FAT3: variants seen among roughly 807,000 people sequenced by gnomAD.
The protein encoded by FAT3 is FAT atypical cadherin 3.
FAT3 carries 95 observed loss-of-function variants against 310.2 expected under a neutral mutation model. The observed-to-expected ratio is 0.31, with a 90% CI of 0.26 to 0.36. FAT3 has a LOEUF of 0.36. Among genes scored for constraint, FAT3 ranks in the 10% least tolerant of loss-of-function variants. The pLI, the probability that FAT3 is intolerant of heterozygous loss-of-function variation, is 1.00. For synonymous variants in FAT3, 2,314 were observed against 2,192.9 expected, an observed-to-expected ratio of 1.06 and a Z score of -1.54; for missense variants, 5,408 against 5,715.6, an observed-to-expected ratio of 0.95 and a Z score of 1.74.
chr11:92,384,406 C>T (rs747908045), intron 2 of FAT3, among the ~76,000 whole-genome samples: 2 of 152,228 alleles, frequency 1.3e-5, no homozygotes, highest in South Asian at 4.1e-4. Flanking sequence ...TATTTCTCAT[C>T]GAGTTTCTTT....
intron 2 of FAT3, among the ~76,000 whole-genome samples, chr11:92,411,126 A>T (rs1442388766): frequency 9.3e-6 from 1 of 107,858 alleles, no homozygotes; most frequent in Non-Finnish European, 1.9e-5. Context: ...ATATATTTAT[A>T]TATTATATAT....
At chr11:92,435,204 A>G (rs1309782999) in intron 2 of FAT3, among the ~76,000 whole-genome samples, 2 of 152,168 alleles carry the variant, frequency 1.3e-5, no homozygotes, top group African/African-American at 4.8e-5. Flanking sequence ...TGTTGCTCAT[A>G]GACAAGGAAT....
chr11:92,504,848 A>G lies in FAT3; in HGVS notation c.3293-19786A>G, dbSNP rs185714864. Among the ~76,000 whole-genome samples the G allele has an allele frequency of 1.4e-3, 214 of 152,290 alleles. 4 individuals carry two copies. Among genetic ancestry groups the G allele is most frequent in the Non-Finnish European group, 2.0e-3 (135 of 68,016 alleles). On this transcript the variant is annotated intron_variant, in intron 2 of 27. Coordinates refer to ENST00000525166, the MANE Select transcript of FAT3 (RefSeq NM_001367949.2). Reference sequence around the variant, plus strand: ...TAAAACACTCATTCAATAGTCAGACATAGAAAACTGCAGAATTGTGTATTA... The same window carrying G: ...TAAAACACTCATTCAATAGTCAGACGTAGAAAACTGCAGAATTGTGTATTA...
At chr11:92,739,331 T>C (rs1362105890) in intron 4 of FAT3, among the ~76,000 whole-genome samples, 2 of 141,482 alleles carry the variant, frequency 1.4e-5, no homozygotes, top group Non-Finnish European at 3.0e-5. Context: ...GGGAAGACTG[T>C]GAGCCTGCAT....
chr11:92,801,033 C>T lies in FAT3; in HGVS notation c.8020C>T (p.Leu2674Phe), dbSNP rs974657946. 1 of 1,613,812 alleles carries T rather than the reference C, an allele frequency of 6.2e-7. No individual in the cohort carries two copies. Among genetic ancestry groups the T allele is most frequent in the South Asian group, 1.1e-5 (1 of 91,044 alleles). Residue 2674 changes from leucine (L) to phenylalanine (F), a missense_variant, in exon 10 of 28, where the codon CTT becomes TTT. This residue lies in a region of FAT3 where 4,588 missense variants were observed against 4,809.8 expected (regional missense o/e 0.95). Coordinates refer to ENST00000525166, the MANE Select transcript of FAT3 (RefSeq NM_001367949.2). ...GNFNQLKNTV[L>F]SFFVKAVDGG... The stretch of plus-strand genomic sequence containing the variant: ...TTTTAACCAGCTGAAAAATACAGTG[C>T]TTTCGTTCTTTGTCAAAGCAGTAGA...
chr11:92,831,097 T>G (rs1948235650), intron 13 of FAT3, among the ~76,000 whole-genome samples: 1 of 152,028 alleles, frequency 6.6e-6, no homozygotes, highest in Non-Finnish European at 1.5e-5. Context: ...ACATCACATC[T>G]CATGACTCCC....
chr11:92,889,292 T>G, intron 26 of FAT3, 44 bp downstream of exon 26: 1 of 680,472 alleles, frequency 1.5e-6, no homozygotes, highest in Non-Finnish European at 2.7e-6. Flanking sequence ...AAATTTTGCT[T>G]CCTTGTTACT....
intron 1 of FAT3, among the ~76,000 whole-genome samples, chr11:92,227,369 C>T (rs1242764126): frequency 6.6e-6 from 1 of 152,114 alleles, no homozygotes; most frequent in East Asian, 1.9e-4. Context: ...TCTGATTGTG[C>T]CCAGGCTAAG....
chr11:92,859,187 T>A lies in FAT3; in HGVS notation c.11523T>A (p.Ala3841=), dbSNP rs116513992. 1.4e-3 allele frequency: 2,339 copies of A among 1,613,760 alleles called. 30 individuals carry two copies. In the African/African-American group the frequency reaches 0.028, roughly 20 times the overall value. ...ECSGHTSLSF[A]GNSYIKYRLS... ...CAGGGCACACTTCTCTCAGCTTTGC[T>A]GGAAACAGTTACATCAAATATCGGC... is the stretch of plus-strand genomic sequence containing the variant. Residue 3841 remains alanine (A), a synonymous_variant, in exon 21 of 28, where the codon GCT becomes GCA. Transcript: ENST00000525166.
chr11:92,886,917 C>A (rs989897091), intron 24 of FAT3, 83 bp from the exon 25 acceptor site: 1 of 1,087,024 alleles, frequency 9.2e-7, no homozygotes, highest in Non-Finnish European at 1.4e-6. Context: ...GAGAAGTGAA[C>A]TAGCTGAGAG....
intron 10 of FAT3, 29 bp downstream of exon 10, chr11:92,801,938 G>C: frequency 6.3e-7 from 1 of 1,582,294 alleles, no homozygotes; most frequent in Admixed American, 1.7e-5. Flanking sequence ...TTTTCATTAT[G>C]TGCACTGCTT....
chr11:92,816,294 C>T lies in FAT3; in HGVS notation c.9481+6218C>T, dbSNP rs75794479. Among the ~76,000 whole-genome samples, 1,136 of 152,282 alleles carry T rather than the reference C, an allele frequency of 7.5e-3. 12 individuals are homozygous for T. The highest frequency in any genetic ancestry group is 0.026 in the African/African-American group (1,069 of 41,554). The stretch of plus-strand genomic sequence containing the variant: ...TGCCCAGGTGAAGGACAGGTCAGTG[C>T]GAGTCTATCTAGTGACTCAGAAATC... On this transcript the variant is annotated intron_variant, in intron 13 of 27. Transcript: ENST00000525166.
intron 20 of FAT3, among the ~76,000 whole-genome samples, chr11:92,858,128 A>T (rs1182785982): frequency 1.3e-5 from 2 of 152,254 alleles, no homozygotes; most frequent in African/African-American, 4.8e-5. Flanking sequence ...ATGTGCAAGG[A>T]ACTTTGCAAG....
chr11:92,717,892 C>T (rs1439736594), intron 4 of FAT3, among the ~76,000 whole-genome samples: 2 of 152,038 alleles, frequency 1.3e-5, no homozygotes, highest in African/African-American at 2.4e-5. Context: ...TTTTACTCAT[C>T]GTGAAATGAG....
At chr11:92,358,739 G>C (rs1591166215) in intron 2 of FAT3, among the ~76,000 whole-genome samples, 1 of 152,122 alleles carries the variant, frequency 6.6e-6, no homozygotes, top group South Asian at 2.1e-4. Context: ...AATAAGAGAA[G>C]GTGTCACCTT....
At chr11:92,235,622 C>T (rs1590986550) in intron 1 of FAT3, among the ~76,000 whole-genome samples, 1 of 152,308 alleles carries the variant, frequency 6.6e-6, no homozygotes, top group African/African-American at 2.4e-5. Context: ...CCACAATTGA[C>T]CATCTATGAC....
intron 3 of FAT3, among the ~76,000 whole-genome samples, chr11:92,655,623 C>A (rs1341119146): frequency 6.6e-6 from 1 of 152,124 alleles, no homozygotes; most frequent in Non-Finnish European, 1.5e-5. Context: ...CTTGGTTCCC[C>A]TTGAGGTACG....
At chr11:92,512,312 A>G (rs894261260) in intron 2 of FAT3, among the ~76,000 whole-genome samples, 9 of 151,778 alleles carry the variant, frequency 5.9e-5, no homozygotes, top group Admixed American at 5.9e-4. Flanking sequence ...GCACCACCTC[A>G]TTCTCTAAAA....
chr11:92,439,172 C>A (rs973619516), intron 2 of FAT3, among the ~76,000 whole-genome samples: 2 of 152,066 alleles, frequency 1.3e-5, no homozygotes, highest in Non-Finnish European at 1.5e-5. Flanking sequence ...TTACAGGAAC[C>A]GTTGTTGCAC....
Sources: gnomAD v4.1 joint callset for allele counts (sites outside exome capture counted in the v4.1 genomes callset) on GRCh38, gnomAD v4.1.1 for gene constraint, gnomAD v4.1.1 regional missense constraint, MANE v1.5 for transcripts, NCBI Gene and HGNC (gene_info 2026-07-23, HGNC 2026-07-21) for gene names.